GALNT14: variants seen among roughly 807,000 people sequenced by gnomAD.
The protein encoded by GALNT14 is UDP-GalNAc:polypeptide N-acetylgalactosaminyltransferase 14.
A neutral mutation model predicts 77.5 loss-of-function variants in GALNT14; 60 were observed. That is an observed-to-expected ratio of 0.77 (90% CI 0.63 to 0.96). The LOEUF is 0.96. GALNT14 is among the 40% of genes least tolerant of loss of function. GALNT14 has a pLI of 0.00. For missense variants in GALNT14, 710 were observed against 731.0 expected (o/e 0.97, Z 0.33); for synonymous variants, 280 against 281.7 (o/e 0.99, Z 0.06).
At chr2:30,924,962 C>G in intron 11 of GALNT14, 139 bp from the exon 12 acceptor site, 1 of 608,884 alleles carries the variant, frequency 1.6e-6, no homozygotes, top group Non-Finnish European at 2.9e-6. Context: ...CTGGAAGGTG[C>G]TGGGGAAATT....
chr2:31,137,896 C>A (rs1001728495), intron 1 of GALNT14, 62 bp downstream of exon 1: 11 of 1,548,942 alleles, frequency 7.1e-6, no homozygotes, highest in Non-Finnish European at 9.6e-6. Context: ...AAACCCGGCA[C>A]GCGGGCTGCG....
At chr2:30,932,003 C>T (rs1264350796) in intron 10 of GALNT14, 65 bp downstream of exon 10, 4 of 1,424,692 alleles carry the variant, frequency 2.8e-6, no homozygotes. Context: ...CAACCCTTAC[C>T]AGCAGCCGCC....
the GALNT14 span, among the ~76,000 whole-genome samples, chr2:30,904,101 C>T: frequency 6.6e-6 from 1 of 152,268 alleles, no homozygotes; most frequent in South Asian, 2.1e-4. Flanking sequence ...AACCCCACAC[C>T]TACTGAACCA....
intron 2 of GALNT14, among the ~76,000 whole-genome samples, chr2:30,978,541 T>C (rs946576042): frequency 6.6e-6 from 1 of 152,176 alleles, no homozygotes; most frequent in African/African-American, 2.4e-5. Flanking sequence ...TGTTTGCCAA[T>C]TGTGGCGCTG....
chr2:31,117,875 C>T (rs1017019587), intron 1 of GALNT14, among the ~76,000 whole-genome samples: 1 of 152,172 alleles, frequency 6.6e-6, no homozygotes, highest in East Asian at 1.9e-4. Flanking sequence ...AAACATCTTA[C>T]ATCATGTGGC....
chr2:31,081,231 G>T (rs1457267708), intron 1 of GALNT14, among the ~76,000 whole-genome samples: 1 of 152,184 alleles, frequency 6.6e-6, no homozygotes, highest in Non-Finnish European at 1.5e-5. Flanking sequence ...GCCTCGTGAA[G>T]GTCATACCAA....
intron 2 of GALNT14, among the ~76,000 whole-genome samples, chr2:30,979,150 T>C (rs537010500): frequency 5.9e-5 from 9 of 152,338 alleles, no homozygotes; most frequent in South Asian, 2.1e-4. Context: ...GTGATCCTTC[T>C]GCATTTAGAA....
intron 4 of GALNT14, 51 bp downstream of exon 4, chr2:30,958,346 G>A (rs1175517947): frequency 6.7e-7 from 1 of 1,497,012 alleles, no homozygotes; most frequent in Non-Finnish European, 9.3e-7. Context: ...GTTACAGAGT[G>A]GCTGGGAACA....
At chr2:31,132,285 G>A in intron 1 of GALNT14, among the ~76,000 whole-genome samples, 1 of 152,186 alleles carries the variant, frequency 6.6e-6, no homozygotes, top group East Asian at 1.9e-4. Context: ...GAGGCTCAGT[G>A]GTTTTGTTTT....
At chr2:31,047,609 G>T (rs1470439454) in intron 1 of GALNT14, among the ~76,000 whole-genome samples, 1 of 152,222 alleles carries the variant, frequency 6.6e-6, no homozygotes, top group African/African-American at 2.4e-5. Context: ...CCAAAGTCAT[G>T]AGACTCTGAG....
At chr2:31,007,904 C>T (rs1034393853) in intron 1 of GALNT14, among the ~76,000 whole-genome samples, 1 of 152,138 alleles carries the variant, frequency 6.6e-6, no homozygotes, top group Non-Finnish European at 1.5e-5. Context: ...CCTTCCTATG[C>T]CCTTGCCCTC....
At chr2:30,897,416 C>T in the GALNT14 span, among the ~76,000 whole-genome samples, 2 of 152,156 alleles carry the variant, frequency 1.3e-5, no homozygotes, top group Admixed American at 6.5e-5. Context: ...GGGTAGCTCC[C>T]AAACTGAAAA....
At chr2:31,042,961 G>C (rs943190002) in intron 1 of GALNT14, among the ~76,000 whole-genome samples, 2 of 152,056 alleles carry the variant, frequency 1.3e-5, no homozygotes, top group Non-Finnish European at 2.9e-5. Context: ...CTGAACCTAA[G>C]CCAAAGTCCC....
At chr2:31,092,207 A>G (rs967581349) in intron 1 of GALNT14, among the ~76,000 whole-genome samples, 1 of 151,886 alleles carries the variant, frequency 6.6e-6, no homozygotes, top group Non-Finnish European at 1.5e-5. Flanking sequence ...CAGACAGTCT[A>G]TTGTGGGACC....
intron 1 of GALNT14, among the ~76,000 whole-genome samples, chr2:30,995,130 T>TTGTGTGTGTG (rs3058232): frequency 3.5e-4 from 51 of 144,142 alleles, no homozygotes; most frequent in East Asian, 1.4e-3. Flanking sequence ...AGAACCAATG[T>TTGTGTGTGTG]TGTGTGTGTG....
rs1303193175 is a variant in GALNT14 at position 30,988,305 on chromosome 2, C to T, written c.299+4533G>A. On this transcript the variant is annotated intron_variant, in intron 2 of 14. Transcript: ENST00000349752. The stretch of plus-strand genomic sequence containing the variant: ...ATGATGGGAACACAAAGGAGGCCCA[C>T]CAGGGGCAAAGACTGTATCAATATG... Among the ~76,000 whole-genome samples, 3 of 152,218 alleles carry T rather than the reference C, an allele frequency of 2.0e-5. No homozygotes were observed. The South Asian group carries it at 6.2e-4, about 32-fold the overall frequency.
rs763395635 is a variant in GALNT14 at position 30,924,145 on chromosome 2, C to G, written c.1354G>C (p.Val452Leu). 8 of 1,614,128 alleles carry G rather than the reference C, an allele frequency of 5.0e-6. No individual in the cohort carries two copies. The East Asian group carries it at 1.6e-4, about 31-fold the overall frequency. Residue 452 changes from valine to leucine, a missense_variant, in exon 13 of 15, where the codon GTC becomes CTC. Coordinates refer to ENST00000349752, the MANE Select transcript of GALNT14 (RefSeq NM_024572.4). ...TGGGACTTTGCATCTTCGCCTTTGACCTTGGCACAGGGGCTCAACTTTAGG... is the reference window on the plus strand; with the variant it reads ...TGGGACTTTGCATCTTCGCCTTTGAGCTTGGCACAGGGGCTCAACTTTAGG... ...PNLKLSPCAK[V>L]KGEDAKSQVW... is the part of the protein sequence containing the mutation.
intron 1 of GALNT14, among the ~76,000 whole-genome samples, chr2:31,137,154 T>C (rs562771260): frequency 1.4e-4 from 22 of 152,352 alleles, no homozygotes; most frequent in Non-Finnish European, 1.6e-4. Context: ...TTTTCTCCTA[T>C]TGATCTGCCT....
At chr2:30,892,065 A>G in the GALNT14 span, among the ~76,000 whole-genome samples, 1 of 152,184 alleles carries the variant, frequency 6.6e-6, no homozygotes, top group East Asian at 1.9e-4. Flanking sequence ...ACCTTCGATC[A>G]CCCTATGGTT....
Sources: gnomAD v4.1 joint callset for allele counts (sites outside exome capture counted in the v4.1 genomes callset) on GRCh38, gnomAD v4.1.1 for gene constraint, MANE v1.5 for transcripts, NCBI Gene and HGNC (gene_info 2026-07-23, HGNC 2026-07-21) for gene names.